The following SLC9C1 variants were observed in gnomAD, a reference collection of about 807,000 sequenced individuals.
The protein encoded by SLC9C1 is solute carrier family 9 member C1.
SLC9C1 carries 97 observed loss-of-function variants against 140.9 expected under a neutral mutation model. The ratio of observed to expected loss-of-function variants is 0.69; its 90% confidence interval spans 0.58 to 0.82. The LOEUF (loss-of-function observed/expected upper bound fraction) is 0.82. Ranked by LOEUF, SLC9C1 falls within the 40% of genes least tolerant of loss-of-function variation. The pLI is 0.00. For synonymous variants in SLC9C1, 440 were observed against 442.6 expected (o/e 0.99, Z 0.07); for missense variants, 1,340 against 1,389.3 (o/e 0.96, Z 0.56).
chr3:112,231,318 A>C, intron 13 of SLC9C1, 43 bp downstream of exon 13: 2 of 1,606,902 alleles, frequency 1.2e-6, no homozygotes, highest in Non-Finnish European at 1.7e-6. Flanking sequence ...TTTTCAACAT[A>C]ATTTTTGGCC....
At chr3:112,267,272 CTCTGTT>C (rs1221301724) in intron 7 of SLC9C1, among the ~76,000 whole-genome samples, 2 of 151,794 alleles carry the variant, frequency 1.3e-5, no homozygotes, top group East Asian at 3.9e-4. Context: ...CAGAGCAAGA[CTCTGTT>C]TCTAAGAGAG....
intron 1 of SLC9C1, among the ~76,000 whole-genome samples, chr3:112,289,277 A>G (rs11923778): frequency 0.085 from 13,014 of 152,288 alleles, 639 homozygotes; most frequent in East Asian, 0.21. Flanking sequence ...GGGGTATATC[A>G]GCAAAAGAGT....
At chr3:112,161,629 T>C (rs926293942) in intron 26 of SLC9C1, among the ~76,000 whole-genome samples, 1 of 152,022 alleles carries the variant, frequency 6.6e-6, no homozygotes, top group Admixed American at 6.6e-5. Context: ...CATTGATCTA[T>C]ATCTCTGTTT....
At chr3:112,267,833 C>A (rs569099927) in intron 7 of SLC9C1, among the ~76,000 whole-genome samples, 4 of 152,148 alleles carry the variant, frequency 2.6e-5, no homozygotes, top group Admixed American at 2.0e-4. Context: ...GACATAGGTT[C>A]TTTGAAACAA....
chr3:112,278,832 T>G lies in SLC9C1; in HGVS notation c.215A>C (p.Gln72Pro). The G allele has an allele frequency of 6.2e-7, 1 of 1,604,474 alleles. No individual in the cohort carries two copies. The highest frequency in any genetic ancestry group is 1.1e-5 in the South Asian group (1 of 88,964). Residue 72 changes from glutamine to proline, a missense_variant, in exon 4 of 29, where the codon CAA (glutamine) becomes CCA (proline). Transcript: ENST00000305815. Reference sequence around the variant, plus strand: ...AAAAAATAAGTCTGGACTCATCCATTGTATGGCGTTTGCGTATCTTTGGAC... The same window carrying G: ...AAAAAATAAGTCTGGACTCATCCATGGTATGGCGTTTGCGTATCTTTGGAC... Reference protein sequence around the residue: ...SQVQRYANAIQWMSPDLFFRI... With the variant: ...SQVQRYANAIPWMSPDLFFRI...
At chr3:112,178,402 A>G (rs1431889590) in intron 23 of SLC9C1, among the ~76,000 whole-genome samples, 5 of 152,098 alleles carry the variant, frequency 3.3e-5, no homozygotes, top group African/African-American at 1.2e-4. Flanking sequence ...TTTTGGGATT[A>G]CAGGTATAAG....
At chr3:112,192,617 A>C (rs967151942) in intron 20 of SLC9C1, among the ~76,000 whole-genome samples, 2 of 151,936 alleles carry the variant, frequency 1.3e-5, no homozygotes, top group African/African-American at 4.8e-5. Flanking sequence ...CAAGTGCAGA[A>C]ATTATTTTTT....
chr3:112,179,040 G>A (rs1450310354), intron 23 of SLC9C1, among the ~76,000 whole-genome samples: 1 of 152,170 alleles, frequency 6.6e-6, no homozygotes, highest in Non-Finnish European at 1.5e-5. Flanking sequence ...TGTATGTAAT[G>A]TATGGGTTTT....
chr3:112,164,759 G>T (rs1343151048), intron 26 of SLC9C1, among the ~76,000 whole-genome samples: 1 of 151,668 alleles, frequency 6.6e-6, no homozygotes, highest in Non-Finnish European at 1.5e-5. Context: ...TCTTGGAGTT[G>T]CTCTTCTTGA....
chr3:112,271,393 G>GTATGTATATATATATATATATATA (rs2080070097), intron 6 of SLC9C1, among the ~76,000 whole-genome samples: 1 of 125,574 alleles, frequency 8.0e-6, no homozygotes, highest in South Asian at 2.8e-4. Flanking sequence ...ATTCTACATT[G>GTATGTATATATATATATATATATA]TATATATATA....
At position 112,221,227 on chromosome 3, in the gene SLC9C1, TA is replaced by T; in HGVS notation, c.1573-3del. ...CCTGTATTGTCTCTGGTAGCTTGCC[TA>T]AAAAAATATTAATTCAAGTCATTAT... is the stretch of plus-strand genomic sequence containing the variant. On this transcript the variant is annotated splice_polypyrimidine_tract_variant and splice_region_variant and intron_variant, in intron 13 of 28. Coordinates refer to ENST00000305815, the MANE Select transcript of SLC9C1 (RefSeq NM_183061.3). The T allele has an allele frequency of 6.2e-7, 1 of 1,611,672 alleles. No individual in the cohort carries two copies.
intron 13 of SLC9C1, among the ~76,000 whole-genome samples, chr3:112,221,814 A>C (rs1385971141): frequency 2.0e-5 from 3 of 152,168 alleles, no homozygotes; most frequent in Non-Finnish European, 2.9e-5. Flanking sequence ...ACTGAGCTTC[A>C]GGGACTATGT....
rs746990515 is a variant in SLC9C1, at chr3:112,169,053, A to G, written c.3061T>C (p.Tyr1021His). ...REHLSYEDWN[Y>H]NMQLKLSNIY... ...TTAGAGAGCTTTAGTTGCATATTGT[A>G]GTTCCAATCCTGTTTTAGAAAACAC... The change falls in exon 25 of 29, where the codon TAC becomes CAC. Residue 1021 changes from tyrosine to histidine, a missense_variant. Physicochemically the swap from Tyr to His is moderately conservative, Grantham distance 83. Transcript: ENST00000305815. 4 of 1,590,856 alleles carry G rather than the reference A, an allele frequency of 2.5e-6. No individual in the cohort carries two copies. The highest frequency in any genetic ancestry group is 3.4e-6 in the Non-Finnish European group (4 of 1,171,760).
chr3:112,280,831 T>C (rs562493564), intron 2 of SLC9C1, 48 bp from the exon 3 acceptor site: 1 of 1,496,270 alleles, frequency 6.7e-7, no homozygotes, highest in African/African-American at 1.4e-5. Flanking sequence ...ATCTCATTTA[T>C]AGAACTTTAA....
At chr3:112,289,607 A>T (rs1024699319) in intron 1 of SLC9C1, among the ~76,000 whole-genome samples, 3 of 152,198 alleles carry the variant, frequency 2.0e-5, no homozygotes, top group African/African-American at 7.2e-5. Flanking sequence ...GGGATCATTT[A>T]TGTCAAAGAG....
rs1437829036 is a variant in SLC9C1, at chr3:112,208,179, T to C, written c.1985A>G (p.Lys662Arg). Residue 662 changes from lysine (K) to arginine (R), a missense_variant and splice_region_variant, in exon 16 of 29, where the codon AAG becomes AGG. Transcript: ENST00000305815. ...ATACACACATAAATTTTAGATTACCTTAAGTAGTGCCTCTAGAATATAAAG... is the reference window on the plus strand; with the variant it reads ...ATACACACATAAATTTTAGATTACCCTAAGTAGTGCCTCTAGAATATAAAG... ...LTLYILEALL[K>R]IAAMRKDFFS... The C allele has an allele frequency of 6.3e-7, 1 of 1,598,834 alleles. No homozygotes were observed.
At chr3:112,185,533 C>A in intron 20 of SLC9C1, 1 of 1,613,128 alleles carries the variant, frequency 6.2e-7, no homozygotes, top group Non-Finnish European at 8.5e-7. Flanking sequence ...TGCACAGGGG[C>A]CCCGTCAGGC....
At chr3:112,243,963 T>A in intron 11 of SLC9C1, 32 bp downstream of exon 11, 1 of 1,408,262 alleles carries the variant, frequency 7.1e-7, no homozygotes, top group East Asian at 2.4e-5. Flanking sequence ...AATGTTTTTC[T>A]CTCCACAGGA....
intron 10 of SLC9C1, among the ~76,000 whole-genome samples, chr3:112,250,820 T>A (rs1173525522): frequency 6.6e-6 from 1 of 152,168 alleles, no homozygotes; most frequent in Non-Finnish European, 1.5e-5. Flanking sequence ...GCAGCCACAG[T>A]GGAAAGCAGT....
Sources: gnomAD v4.1 joint callset for allele counts (sites outside exome capture counted in the v4.1 genomes callset) on GRCh38, gnomAD v4.1.1 for gene constraint, MANE v1.5 for transcripts, NCBI Gene and HGNC (gene_info 2026-07-23, HGNC 2026-07-21) for gene names.